Variants in TBC1D32 observed in about 807,000 individuals in gnomAD.
The protein encoded by TBC1D32 is protein broad-minded.
In TBC1D32, 151 loss-of-function variants were observed where a neutral mutation model predicts 170.3. The observed-to-expected ratio is 0.89, with a 90% CI of 0.78 to 1.01. The LOEUF (loss-of-function observed/expected upper bound fraction) is 1.01. Among genes scored for constraint, TBC1D32 ranks in the 50% least tolerant of loss-of-function variants. TBC1D32 has a pLI of 0.00. For missense variants in TBC1D32, 1,464 were observed against 1,457.1 expected (o/e 1.00, Z -0.08); for synonymous variants, 498 against 488.0 (o/e 1.02, Z -0.27).
intron 20 of TBC1D32, among the ~76,000 whole-genome samples, chr6:121,231,963 T>G (rs1356838143): frequency 1.3e-5 from 2 of 152,300 alleles, no homozygotes; most frequent in African/African-American, 4.8e-5. Flanking sequence ...TTGCATTTGC[T>G]TTTGAATTCC....
At chr6:121,235,343 G>A (rs780176092) in intron 20 of TBC1D32, among the ~76,000 whole-genome samples, 1 of 152,120 alleles carries the variant, frequency 6.6e-6, no homozygotes, top group African/African-American at 2.4e-5. Context: ...TCAGCTACCA[G>A]GGAGGGTAAA....
chr6:121,281,432 T>A, intron 14 of TBC1D32, 112 bp downstream of exon 14: 1 of 747,664 alleles, frequency 1.3e-6, no homozygotes, highest in Non-Finnish European at 2.1e-6. Flanking sequence ...AATACATTCA[T>A]ATATGGAAGG....
intron 17 of TBC1D32, among the ~76,000 whole-genome samples, chr6:121,252,166 G>A (rs1306475555): frequency 1.3e-5 from 2 of 152,148 alleles, no homozygotes; most frequent in Non-Finnish European, 2.9e-5. Context: ...ACAGTGTGAC[G>A]ATTCCTCAAG....
At chr6:121,194,313 T>C (rs1220526613) in intron 22 of TBC1D32, among the ~76,000 whole-genome samples, 2 of 152,158 alleles carry the variant, frequency 1.3e-5, no homozygotes, top group Admixed American at 1.3e-4. Context: ...AGGGCTACTA[T>C]GGTGGGAAAG....
chr6:121,170,346 CTT>C (rs1786796706), intron 22 of TBC1D32: 1 of 1,466,728 alleles, frequency 6.8e-7, no homozygotes. Context: ...AAATTACTGT[CTT>C]AACAAAACAT....
intron 30 of TBC1D32, among the ~76,000 whole-genome samples, chr6:121,101,908 T>A (rs991098984): frequency 6.6e-6 from 1 of 151,950 alleles, no homozygotes; most frequent in Admixed American, 6.6e-5. Context: ...TACAAAATCA[T>A]TGTACAAAAA....
intron 1 of TBC1D32, 75 bp from the exon 2 acceptor site, chr6:121,321,869 G>T: frequency 1.5e-6 from 2 of 1,291,176 alleles, no homozygotes; most frequent in South Asian, 1.6e-5. Context: ...ACACAGAAAG[G>T]TAACATATTA....
In TBC1D32 at chr6:121,126,391, T is replaced by C; in HGVS notation, c.2970A>G (p.Ser990=). Residue 990 remains serine, a synonymous_variant, in exon 26 of 32, where the codon TCA becomes TCG. Coordinates refer to ENST00000398212, the MANE Select transcript of TBC1D32 (RefSeq NM_152730.6). ...TESPSECYFP[S]VEYTATDANV... is the part of the protein sequence containing the mutation. ...TTTAAAATGTACCTGTATACTCCAC[T>C]GAAGGGAAGTAGCATTCAGATGGGC... is the stretch of plus-strand genomic sequence containing the variant. 6.2e-7 allele frequency: 1 copy of C among 1,612,196 alleles called. No homozygotes were observed. Among genetic ancestry groups the C allele is most frequent in the Admixed American group, 1.7e-5 (1 of 59,834 alleles).
intron 30 of TBC1D32, among the ~76,000 whole-genome samples, chr6:121,099,010 T>C (rs953930066): frequency 7.2e-5 from 11 of 151,994 alleles, no homozygotes; most frequent in Non-Finnish European, 1.3e-4. Flanking sequence ...TGTATAATTT[T>C]ACATTTTCAA....
At chr6:121,287,738 C>T (rs982985676) in intron 12 of TBC1D32, among the ~76,000 whole-genome samples, 3 of 152,120 alleles carry the variant, frequency 2.0e-5, no homozygotes, top group African/African-American at 7.2e-5. Context: ...TCCAAATTGA[C>T]CACATAGTTG....
At chr6:121,238,439 A>G (rs1321093296) in intron 20 of TBC1D32, among the ~76,000 whole-genome samples, 4 of 152,160 alleles carry the variant, frequency 2.6e-5, no homozygotes, top group Non-Finnish European at 5.9e-5. Flanking sequence ...CTTCTGAAAC[A>G]TTGGAGTGTT....
chr6:121,204,811 G>C (rs1407203400), intron 22 of TBC1D32, among the ~76,000 whole-genome samples: 1 of 146,524 alleles, frequency 6.8e-6, no homozygotes, highest in African/African-American at 2.8e-5. Context: ...TACACTAAAT[G>C]AAATAGTCCC....
chr6:121,119,044 G>A (rs1000178810), intron 26 of TBC1D32, among the ~76,000 whole-genome samples: 6 of 152,004 alleles, frequency 3.9e-5, no homozygotes, highest in Admixed American at 6.6e-5. Flanking sequence ...CAAGTACTAC[G>A]CCTGCTCTCT....
intron 15 of TBC1D32, among the ~76,000 whole-genome samples, chr6:121,272,511 C>T (rs1180909879): frequency 6.6e-6 from 1 of 152,146 alleles, no homozygotes; most frequent in South Asian, 2.1e-4. Flanking sequence ...TGAAAAAATG[C>T]TCATCATCAC....
intron 24 of TBC1D32, among the ~76,000 whole-genome samples, chr6:121,138,924 A>G (rs1782450593): frequency 6.6e-6 from 1 of 151,378 alleles, no homozygotes; most frequent in South Asian, 2.1e-4. Flanking sequence ...GGCTCACTGC[A>G]AGCTCCGCCT....
chr6:121,312,751 T>C (rs1319328197), intron 3 of TBC1D32, among the ~76,000 whole-genome samples: 2 of 152,210 alleles, frequency 1.3e-5, no homozygotes, highest in Non-Finnish European at 2.9e-5. Flanking sequence ...ATGTCAAGGA[T>C]AGTTTTCTTT....
At chr6:121,153,927 C>T (rs1456589914) in intron 24 of TBC1D32, among the ~76,000 whole-genome samples, 1 of 151,780 alleles carries the variant, frequency 6.6e-6, no homozygotes, top group Non-Finnish European at 1.5e-5. Context: ...GCTTGCTGGG[C>T]TCCATGGGGG....
intron 2 of TBC1D32, among the ~76,000 whole-genome samples, chr6:121,320,847 G>A (rs142764955): frequency 4.1e-4 from 63 of 152,082 alleles, no homozygotes; most frequent in African/African-American, 1.4e-3. Flanking sequence ...ATATTCAAAC[G>A]TTTCCGATAC....
intron 20 of TBC1D32, among the ~76,000 whole-genome samples, chr6:121,227,982 A>AT: frequency 6.6e-6 from 1 of 152,058 alleles, no homozygotes; most frequent in Non-Finnish European, 1.5e-5. Flanking sequence ...ATGCATACCT[A>AT]TTTTTTTAAT....
Sources: gnomAD v4.1 joint callset for allele counts (sites outside exome capture counted in the v4.1 genomes callset) on GRCh38, gnomAD v4.1.1 for gene constraint, MANE v1.5 for transcripts, NCBI Gene and HGNC (gene_info 2026-07-23, HGNC 2026-07-21) for gene names.